The following PCDHGB2 variants were observed in gnomAD, a reference collection of about 807,000 sequenced individuals.
PCDHGB2 encodes the protein protocadherin gamma-B2.
In PCDHGB2, 55 loss-of-function variants were observed where a neutral mutation model predicts 59.3. The observed-to-expected ratio is 0.93, with a 90% CI of 0.75 to 1.16. The LOEUF is 1.16. Among genes scored for constraint, PCDHGB2 ranks in the 50% most tolerant of loss-of-function variants. The pLI is 0.00. For missense variants in PCDHGB2, 1,228 were observed against 1,198.5 expected (o/e 1.02, Z -0.36); for synonymous variants, 516 against 512.0 (o/e 1.01, Z -0.11).
Position 141,387,762 on chromosome 5 carries a change from G to T in PCDHGB2, c.2421+25206G>T, listed in dbSNP as rs545222926. The T allele has an allele frequency of 3.5e-6, 5 of 1,424,676 alleles. No homozygotes were observed. The East Asian group carries it at 9.9e-5, about 28-fold the overall frequency. The allele number at this position is 1,424,676 out of a possible 1,614,324, so 88.3% of individuals were successfully genotyped here. ...CACCGCTTCCTCCTCGGAAAAAGAA[G>T]AATTTTTTCTTGAACTGGAACTGCA... On this transcript the variant is annotated intron_variant, in intron 1 of 3. Transcript: ENST00000522605.
In PCDHGB2 at chr5:141,432,931, G is replaced by A. The variant is rs2097550450; in HGVS notation, c.2422-61876G>A. The A allele has an allele frequency of 6.2e-7, 1 of 1,614,198 alleles. No individual in the cohort carries two copies. The highest frequency in any genetic ancestry group is 2.2e-5 in the East Asian group (1 of 44,864). Reference sequence around the variant, plus strand: ...TGCGGCGCTGGCACAAGTCACGCCTGCTGCAGGCTTCAGGAGGCGGCTTGA... The same window carrying A: ...TGCGGCGCTGGCACAAGTCACGCCTACTGCAGGCTTCAGGAGGCGGCTTGA... On this transcript the variant is annotated intron_variant, in intron 1 of 3. Transcript: ENST00000522605. The surrounding 1 kb of genome is among the most constrained non-coding windows in gnomAD (Gnocchi z 6.0).
Position 141,361,550 on chromosome 5 carries a change from C to T in PCDHGB2, c.1415C>T (p.Ala472Val), listed in dbSNP as rs749597862. Residue 472 changes from alanine (A) to valine (V), a missense_variant, in exon 1 of 4, where the codon GCT (alanine) becomes GTT (valine). This residue lies in a region of PCDHGB2 where 781 missense variants were observed against 721.6 expected (regional missense o/e 1.08). Transcript: ENST00000522605. ...AENNPPGASI[A>V]QISASDPDLG... The stretch of plus-strand genomic sequence containing the variant: ...AACAATCCTCCTGGCGCCTCTATCG[C>T]TCAAATCAGTGCCTCTGACCCTGAC... 1.9e-6 allele frequency: 3 copies of T among 1,614,060 alleles called. No homozygotes were observed. The highest frequency in any genetic ancestry group is 2.5e-6 in the Non-Finnish European group (3 of 1,179,906).
At chr5:141,407,114 T>C (rs1309229793) in intron 1 of PCDHGB2, among the ~76,000 whole-genome samples, 1 of 152,228 alleles carries the variant, frequency 6.6e-6, no homozygotes, top group Non-Finnish European at 1.5e-5. Flanking sequence ...ATTATTTGGG[T>C]TTCAGTTGCT....
At position 141,477,418 on chromosome 5, in the gene PCDHGB2, C is replaced by G. The variant is rs759728291; in HGVS notation, c.2422-17389C>G. ...GCATCACCGCCCGAGACGCCGGAAC[C>G]CCTTCCCTCTCAGCCCTTACAATAG... On this transcript the variant is annotated intron_variant, in intron 1 of 3. Transcript: ENST00000522605. This position sits in a 1 kb window ranked among gnomAD's most constrained non-coding sequence, Gnocchi z 4.9. 2 of 1,614,166 alleles carry G rather than the reference C, an allele frequency of 1.2e-6. No homozygotes were observed. Among genetic ancestry groups the G allele is most frequent in the Non-Finnish European group, 1.7e-6 (2 of 1,180,030 alleles).
chr5:141,477,808 C>T lies in PCDHGB2; in HGVS notation c.2422-16999C>T, dbSNP rs750186099. 2.5e-6 allele frequency: 4 copies of T among 1,613,994 alleles called. No individual in the cohort carries two copies. In the African/African-American group the frequency reaches 4.0e-5, roughly 16 times the overall value. On this transcript the variant is annotated intron_variant, in intron 1 of 3. Coordinates refer to ENST00000522605, the MANE Select transcript of PCDHGB2 (RefSeq NM_018923.3). The surrounding 1 kb of genome is among the most constrained non-coding windows in gnomAD (Gnocchi z 4.9). ...TTGTCACTGATCGCAATGACAATGC[C>T]CCCCAGGTCCTATATCCTCGGCCAG...
chr5:141,428,297 T>G (rs2097131311), intron 1 of PCDHGB2: 5 of 712,160 alleles, frequency 7.0e-6, no homozygotes, highest in Non-Finnish European at 1.2e-5. Flanking sequence ...AAGCTGCAGA[T>G]TTACCTGGTC....
At chr5:141,449,566 G>A (rs1235137244) in intron 1 of PCDHGB2, among the ~76,000 whole-genome samples, 4 of 147,126 alleles carry the variant, frequency 2.7e-5, no homozygotes, top group East Asian at 4.0e-4. Context: ...TCCAGCCTGG[G>A]CGACAGAGCA....
In PCDHGB2 at chr5:141,489,637, T is replaced by G. The variant is rs1230531256; in HGVS notation, c.2422-5170T>G. The G allele has an allele frequency of 6.2e-6, 10 of 1,614,032 alleles. No homozygotes were observed. The highest frequency in any genetic ancestry group is 2.7e-5 in the African/African-American group (2 of 74,914). On this transcript the variant is annotated intron_variant, in intron 1 of 3. Transcript: ENST00000522605. The surrounding 1 kb of genome is among the most constrained non-coding windows in gnomAD (Gnocchi z 4.5). The stretch of plus-strand genomic sequence containing the variant: ...GGATCTCAATGACAACTCTCCTAGC[T>G]TTGCCACCCCTGAGCGAGAGATGCG...
intron 1 of PCDHGB2, chr5:141,415,232 C>G (rs1329834276): frequency 3.1e-6 from 5 of 1,614,076 alleles, no homozygotes; most frequent in Non-Finnish European, 4.2e-6. Flanking sequence ...GAGTCTCCAG[C>G]TAACTCTGAA....
At chr5:141,412,939 C>G in intron 1 of PCDHGB2, 1 of 461,988 alleles carries the variant, frequency 2.2e-6, no homozygotes, top group Non-Finnish European at 3.8e-6. Context: ...TCTTAGGACT[C>G]TGAGCGCCGC....
At chr5:141,376,602 A>T in intron 1 of PCDHGB2, 1 of 1,521,112 alleles carries the variant, frequency 6.6e-7, no homozygotes, top group Non-Finnish European at 8.9e-7. Flanking sequence ...CTGTTATAGA[A>T]GCGAACCTCT....
chr5:141,469,354 A>G (rs1160934469), intron 1 of PCDHGB2, among the ~76,000 whole-genome samples: 1 of 152,128 alleles, frequency 6.6e-6, no homozygotes, highest in Non-Finnish European at 1.5e-5. Flanking sequence ...AGGTGGATGG[A>G]TCATGAGGTA....
At position 141,365,281 on chromosome 5, in the gene PCDHGB2, G is replaced by T. The variant is rs752099096; in HGVS notation, c.2421+2725G>T. The stretch of plus-strand genomic sequence containing the variant: ...ATGAAGAATCCAGATTCTACCTCAT[G>T]GAAGTGGTAGCTCAGGATGGAGGCG... On this transcript the variant is annotated intron_variant, in intron 1 of 3. Coordinates refer to ENST00000522605, the MANE Select transcript of PCDHGB2 (RefSeq NM_018923.3). 5 of 1,614,000 alleles carry T rather than the reference G, an allele frequency of 3.1e-6. No homozygotes were observed. The Admixed American group carries it at 8.3e-5, about 27-fold the overall frequency.
intron 1 of PCDHGB2, among the ~76,000 whole-genome samples, chr5:141,445,834 T>G (rs1310067225): frequency 6.6e-6 from 1 of 152,218 alleles, no homozygotes; most frequent in Middle Eastern, 3.2e-3. Context: ...GGGAGAGCCT[T>G]GTAAATCACA....
intron 1 of PCDHGB2, chr5:141,421,935 A>G: frequency 6.2e-7 from 1 of 1,613,514 alleles, no homozygotes; most frequent in East Asian, 2.2e-5. Context: ...TCCTCGATGT[A>G]AATGATCACA....
At chr5:141,427,951 A>G in intron 1 of PCDHGB2, 1 of 1,586,612 alleles carries the variant, frequency 6.3e-7, no homozygotes, top group Non-Finnish European at 8.6e-7. Flanking sequence ...CTCAATGACA[A>G]TGTGCCGCGG....
At chr5:141,409,330 C>T (rs920851409) in intron 1 of PCDHGB2, 1 of 1,613,836 alleles carries the variant, frequency 6.2e-7, no homozygotes, top group African/African-American at 1.3e-5. Flanking sequence ...ATCTGGATTT[C>T]GGAGGAAATG....
At chr5:141,400,262 G>T (rs1485452553) in intron 1 of PCDHGB2, 1 of 1,613,914 alleles carries the variant, frequency 6.2e-7, no homozygotes, top group African/African-American at 1.3e-5. Flanking sequence ...TTGCGCCTGC[G>T]ACGCTCCTCC....
Position 141,476,464 on chromosome 5 carries a change from G to A in PCDHGB2, c.2422-18343G>A, listed in dbSNP as rs745664477. On this transcript the variant is annotated intron_variant, in intron 1 of 3. Transcript: ENST00000522605. This position sits in a 1 kb window ranked among gnomAD's most constrained non-coding sequence, Gnocchi z 7.6. ...TGGAGTTGGTAGTGGAGAACCCGCT[G>A]GAGCTGTTCAGCGTGGAAGTGGTGA... 3 of 1,614,140 alleles carry A rather than the reference G, an allele frequency of 1.9e-6. No homozygotes were observed. Among genetic ancestry groups the A allele is most frequent in the Non-Finnish European group, 2.5e-6 (3 of 1,180,014 alleles).
Sources: allele counts gnomAD v4.1 joint callset (sites outside exome capture counted in the v4.1 genomes callset), GRCh38; gene constraint gnomAD v4.1.1; regional missense constraint gnomAD v4.1.1; non-coding constraint Gnocchi (gnomAD v3.1); transcripts MANE v1.5; gene names NCBI Gene and HGNC (gene_info 2026-07-23, HGNC 2026-07-21).